Variants in FBXL7 observed in about 807,000 individuals in gnomAD.
The protein encoded by FBXL7 is F-box/LRR-repeat protein 7.
A neutral mutation model predicts 38.3 loss-of-function variants in FBXL7; 12 were observed. The observed-to-expected ratio is 0.31, with a 90% CI of 0.20 to 0.51. FBXL7 has a LOEUF of 0.51. FBXL7 is among the 20% of genes least tolerant of loss of function. The probability of loss-of-function intolerance (pLI) is 0.98; values close to 1 mark genes in which losing one functional copy is unlikely to be tolerated. For synonymous variants in FBXL7, 297 were observed against 300.9 expected (o/e 0.99, Z 0.13); for missense variants, 567 against 676.4 (o/e 0.84, Z 1.79).
At chr5:15,740,735 A>G (rs189346956) in intron 2 of FBXL7, among the ~76,000 whole-genome samples, 1 of 152,360 alleles carries the variant, frequency 6.6e-6, no homozygotes. Flanking sequence ...ATATGATACA[A>G]CAGAATAAAA....
At chr5:15,596,978 T>C (rs1025327) in intron 1 of FBXL7, among the ~76,000 whole-genome samples, 110,702 of 152,044 alleles carry the variant, frequency 0.73, 40,431 homozygotes, top group South Asian at 0.81. Context: ...ATTATCCTAG[T>C]AAATTAATCA....
At chr5:15,603,059 T>C (rs1344931357) in intron 1 of FBXL7, among the ~76,000 whole-genome samples, 2 of 152,150 alleles carry the variant, frequency 1.3e-5, no homozygotes, top group East Asian at 3.9e-4. Context: ...CAGCTGGTCT[T>C]GAACTCCTGG....
chr5:15,585,557 A>G (rs1561039038), intron 1 of FBXL7, among the ~76,000 whole-genome samples: 2 of 152,218 alleles, frequency 1.3e-5, no homozygotes, highest in Non-Finnish European at 2.9e-5. Flanking sequence ...TTTAAATAAC[A>G]TTTTCAATCA....
rs1331754593 is a variant in FBXL7, at chr5:15,937,017, A to T, written c.1307A>T (p.Lys436Met). The change falls in exon 4 of 4, where the codon AAG (lysine) becomes ATG (methionine). Residue 436 changes from lysine (K) to methionine (M), a missense_variant. Physicochemically the swap from Lys to Met is moderately conservative, Grantham distance 95. Coordinates refer to ENST00000504595, the MANE Select transcript of FBXL7 (RefSeq NM_012304.5). ...TTCAACCTCAAGCGGCTCAGCCTCA[A>T]GTCCTGCGAGAGCATCACCGGCCAG... is the stretch of plus-strand genomic sequence containing the variant. ...NCFNLKRLSLKSCESITGQGL... is the reference protein window; with the variant it reads ...NCFNLKRLSLMSCESITGQGL... The T allele has an allele frequency of 6.2e-7, 1 of 1,613,928 alleles. No individual in the cohort carries two copies. Among genetic ancestry groups the T allele is most frequent in the Non-Finnish European group, 8.5e-7 (1 of 1,179,916 alleles).
intron 2 of FBXL7, among the ~76,000 whole-genome samples, chr5:15,621,811 T>C (rs1740654480): frequency 6.6e-6 from 1 of 152,190 alleles, no homozygotes; most frequent in Non-Finnish European, 1.5e-5. Context: ...GATATCTTGG[T>C]TCTACACATT....
At chr5:15,882,739 A>G (rs145275315) in intron 2 of FBXL7, among the ~76,000 whole-genome samples, 145 of 152,316 alleles carry the variant, frequency 9.5e-4, no homozygotes, top group African/African-American at 3.4e-3. Flanking sequence ...CCATATGGGC[A>G]CAGTTCATTC....
chr5:15,690,817 A>G (rs1743158850), intron 2 of FBXL7, among the ~76,000 whole-genome samples: 1 of 152,186 alleles, frequency 6.6e-6, no homozygotes, highest in African/African-American at 2.4e-5. Flanking sequence ...ATGGGGACAG[A>G]TTGGTAGGTC....
chr5:15,756,112 G>A (rs1208006381), intron 2 of FBXL7, among the ~76,000 whole-genome samples: 1 of 152,154 alleles, frequency 6.6e-6, no homozygotes, highest in Non-Finnish European at 1.5e-5. Context: ...CCTGAAAGCA[G>A]TTCAATCTAG....
chr5:15,765,289 A>G (rs992563464), intron 2 of FBXL7, among the ~76,000 whole-genome samples: 7 of 152,084 alleles, frequency 4.6e-5, no homozygotes, highest in African/African-American at 1.2e-4. Flanking sequence ...ATGAGTGAAC[A>G]TGGATGACAT....
chr5:15,773,199 G>A (rs1736775399), intron 2 of FBXL7, among the ~76,000 whole-genome samples: 1 of 152,156 alleles, frequency 6.6e-6, no homozygotes, highest in Non-Finnish European at 1.5e-5. Flanking sequence ...AAGCCTGGCT[G>A]TGACCCTTCT....
chr5:15,634,541 G>A (rs930473879), intron 2 of FBXL7, among the ~76,000 whole-genome samples: 21 of 151,078 alleles, frequency 1.4e-4, no homozygotes, highest in East Asian at 3.9e-4. Flanking sequence ...GGCTGGTGTC[G>A]AACTCCTGAC....
chr5:15,821,346 G>A (rs1162407909), intron 2 of FBXL7, among the ~76,000 whole-genome samples: 2 of 152,068 alleles, frequency 1.3e-5, no homozygotes, highest in East Asian at 3.9e-4. Flanking sequence ...GATTGTGTGT[G>A]AGTTACATCT....
At chr5:15,565,679 G>C (rs1309926170) in intron 1 of FBXL7, among the ~76,000 whole-genome samples, 1 of 151,976 alleles carries the variant, frequency 6.6e-6, no homozygotes, top group Non-Finnish European at 1.5e-5. Context: ...CGGGAGAGCT[G>C]GTAGTTTTAG....
At chr5:15,657,832 T>C (rs1366053389) in intron 2 of FBXL7, among the ~76,000 whole-genome samples, 1 of 140,600 alleles carries the variant, frequency 7.1e-6, no homozygotes, top group South Asian at 2.3e-4. Flanking sequence ...GAGTGAAACT[T>C]TGTCTAAATT....
chr5:15,630,364 T>C (rs191185546), intron 2 of FBXL7, among the ~76,000 whole-genome samples: 121 of 152,328 alleles, frequency 7.9e-4, no homozygotes, highest in Non-Finnish European at 1.9e-4. Context: ...TCTGCTGATA[T>C]CTCAAAGTAC....
intron 2 of FBXL7, among the ~76,000 whole-genome samples, chr5:15,902,153 T>C (rs1002762254): frequency 5.3e-5 from 8 of 152,188 alleles, no homozygotes; most frequent in Non-Finnish European, 8.8e-5. Context: ...CGGTTTTATA[T>C]TGGTTGTCTT....
chr5:15,886,951 G>A (rs1414024541), intron 2 of FBXL7, among the ~76,000 whole-genome samples: 3 of 152,226 alleles, frequency 2.0e-5, no homozygotes, highest in South Asian at 2.1e-4. Flanking sequence ...TGGCTCACCC[G>A]CAATTACAAG....
intron 2 of FBXL7, among the ~76,000 whole-genome samples, chr5:15,651,088 C>CTTTTTTT (rs547135923): frequency 7.0e-6 from 1 of 142,142 alleles, no homozygotes; most frequent in African/African-American, 2.6e-5. Context: ...AAACATACTT[C>CTTTTTTT]TTTTTTTTTT....
At chr5:15,851,270 A>T (rs1286842429) in intron 2 of FBXL7, among the ~76,000 whole-genome samples, 1 of 152,174 alleles carries the variant, frequency 6.6e-6, no homozygotes, top group African/African-American at 2.4e-5. Context: ...TTTGAAAGTG[A>T]TGCATAAATG....
Sources: gnomAD v4.1 joint callset for allele counts (sites outside exome capture counted in the v4.1 genomes callset) on GRCh38, gnomAD v4.1.1 for gene constraint, MANE v1.5 for transcripts, NCBI Gene and HGNC (gene_info 2026-07-23, HGNC 2026-07-21) for gene names.